CBLB: variants seen among roughly 807,000 people sequenced by gnomAD.
CBLB encodes Cbl proto-oncogene B.
Under a neutral mutation model 104.9 loss-of-function variants are expected in CBLB, and 31 were observed. The ratio of observed to expected loss-of-function variants is 0.30; its 90% CI spans 0.22 to 0.40. CBLB has a LOEUF of 0.40. Ranked by LOEUF, CBLB falls within the 10% of genes least tolerant of loss-of-function variation. The probability of loss-of-function intolerance (pLI) is 1.00; values close to 1 mark genes in which losing one functional copy is unlikely to be tolerated. For synonymous variants in CBLB, 440 were observed against 422.6 expected (o/e 1.04, Z -0.51); for missense variants, 1,062 against 1,214.6 (o/e 0.87, Z 1.87).
Position 105,816,026 on chromosome 3 carries a change from G to A in CBLB, c.419+37388C>T, listed in dbSNP as rs148595750. ...AATGAGAACATATGGGCACAGGGAGGGGAACATCACACACTGGGGCCTGTC... is the reference window on the plus strand; with the variant it reads ...AATGAGAACATATGGGCACAGGGAGAGGAACATCACACACTGGGGCCTGTC... On this transcript the variant is annotated intron_variant, in intron 3 of 18. Transcript: ENST00000394030. Among the ~76,000 whole-genome samples the A allele has an allele frequency of 4.6e-5, 7 of 152,104 alleles. No homozygotes were observed. The East Asian group carries it at 1.4e-3, about 30-fold the overall frequency.
At chr3:105,780,326 C>T (rs1331132434) in intron 3 of CBLB, among the ~76,000 whole-genome samples, 1 of 152,096 alleles carries the variant, frequency 6.6e-6, no homozygotes, top group African/African-American at 2.4e-5. Context: ...CTTCCCTAAG[C>T]CCATGGGATT....
chr3:105,743,715 T>C (rs1289370876), intron 6 of CBLB, among the ~76,000 whole-genome samples: 2 of 148,342 alleles, frequency 1.3e-5, no homozygotes, highest in African/African-American at 4.9e-5. Context: ...GTCAAAGACA[T>C]GAAATACTTT....
At chr3:105,752,843 C>T (rs1246519398) in intron 4 of CBLB, among the ~76,000 whole-genome samples, 2 of 152,158 alleles carry the variant, frequency 1.3e-5, no homozygotes, top group Middle Eastern at 3.2e-3. Context: ...TGGGGTGGGG[C>T]CTGAACACTG....
intron 3 of CBLB, among the ~76,000 whole-genome samples, chr3:105,804,199 C>T (rs142653231): frequency 5.8e-4 from 88 of 152,148 alleles, no homozygotes; most frequent in African/African-American, 1.9e-3. Context: ...GCTATAAATG[C>T]GGATACACAC....
At chr3:105,848,529 A>C (rs1399529115) in intron 3 of CBLB, among the ~76,000 whole-genome samples, 6 of 152,136 alleles carry the variant, frequency 3.9e-5, no homozygotes, top group Non-Finnish European at 5.9e-5. Flanking sequence ...TAAAATTTTA[A>C]AAAGCAATCA....
At chr3:105,813,291 C>A (rs990793548) in intron 3 of CBLB, among the ~76,000 whole-genome samples, 3 of 152,020 alleles carry the variant, frequency 2.0e-5, no homozygotes, top group Non-Finnish European at 4.4e-5. Flanking sequence ...TGGCTTGTTT[C>A]ACAGAGGAAA....
chr3:105,824,434 A>T (rs1013391241), intron 3 of CBLB, among the ~76,000 whole-genome samples: 1 of 152,138 alleles, frequency 6.6e-6, no homozygotes, highest in Non-Finnish European at 1.5e-5. Context: ...AACTTTAGTT[A>T]ACAAATATGC....
At chr3:105,835,454 C>CT (rs199835447) in intron 3 of CBLB, among the ~76,000 whole-genome samples, 2,288 of 152,190 alleles carry the variant, frequency 0.015, 44 homozygotes, top group African/African-American at 0.045. Context: ...ATATTTAAAT[C>CT]TTTAATTCAA....
At chr3:105,764,839 G>A (rs888083591) in intron 4 of CBLB, among the ~76,000 whole-genome samples, 6 of 152,208 alleles carry the variant, frequency 3.9e-5, no homozygotes, top group Admixed American at 3.3e-4. Context: ...AAGCAAAACA[G>A]CCTTACTGGT....
chr3:105,703,933 A>G (rs1317877481), intron 11 of CBLB, 55 bp downstream of exon 11: 1 of 1,483,216 alleles, frequency 6.7e-7, no homozygotes, highest in African/African-American at 1.4e-5. Context: ...GAATCTGAGC[A>G]ATCAATAATT....
intron 3 of CBLB, among the ~76,000 whole-genome samples, chr3:105,788,955 G>C (rs544556151): frequency 2.2e-4 from 33 of 152,284 alleles, no homozygotes; most frequent in Admixed American, 3.9e-4. Flanking sequence ...TATGTTCCCA[G>C]CTGCCAAGTA....
At chr3:105,659,920 T>C (rs1335937476) in intron 18 of CBLB, among the ~76,000 whole-genome samples, 3 of 152,060 alleles carry the variant, frequency 2.0e-5, no homozygotes, top group Non-Finnish European at 2.9e-5. Flanking sequence ...CAGATTGCAA[T>C]GTAGGAAGTT....
At chr3:105,744,838 G>C (rs564149400) in intron 6 of CBLB, among the ~76,000 whole-genome samples, 2 of 152,146 alleles carry the variant, frequency 1.3e-5, no homozygotes, top group Non-Finnish European at 2.9e-5. Flanking sequence ...GTTAAGGCAG[G>C]AGAATTGCTC....
chr3:105,739,160 T>C (rs982038665), intron 7 of CBLB, among the ~76,000 whole-genome samples: 5 of 152,222 alleles, frequency 3.3e-5, no homozygotes, highest in Admixed American at 6.5e-5. Flanking sequence ...TCCTCCTGCC[T>C]TGGCCTCCCA....
chr3:105,795,728 A>T lies in CBLB; in HGVS notation c.420-19186T>A, dbSNP rs116351984. ...CATCTTTTATGGTGAATACCATAAC[A>T]CTGTGATTTGTTTGTTTTTGTTTTT... is the stretch of plus-strand genomic sequence containing the variant. On this transcript the variant is annotated intron_variant, in intron 3 of 18. Transcript: ENST00000394030. Among the ~76,000 whole-genome samples the T allele has an allele frequency of 2.1e-3, 323 of 152,184 alleles. 4 individuals are homozygous for T. Among genetic ancestry groups the T allele is most frequent in the African/African-American group, 7.3e-3 (303 of 41,516 alleles).
intron 9 of CBLB, among the ~76,000 whole-genome samples, chr3:105,731,082 G>T (rs2074263276): frequency 6.6e-6 from 1 of 152,106 alleles, no homozygotes; most frequent in Non-Finnish European, 1.5e-5. Context: ...AATAATTCAA[G>T]GAATTGATAA....
At chr3:105,753,379 A>T (rs116231966) in intron 4 of CBLB, among the ~76,000 whole-genome samples, 40 of 131,334 alleles carry the variant, frequency 3.0e-4, no homozygotes, top group South Asian at 1.5e-3. Flanking sequence ...TTTTTTTTAA[A>T]AAAAAAAGGA....
chr3:105,837,981 C>A (rs911293952), intron 3 of CBLB, among the ~76,000 whole-genome samples: 33 of 152,140 alleles, frequency 2.2e-4, no homozygotes, highest in African/African-American at 7.2e-4. Flanking sequence ...AAAGAAATAA[C>A]CATATATTAT....
chr3:105,765,972 C>T (rs535472952), intron 4 of CBLB, among the ~76,000 whole-genome samples: 41 of 152,226 alleles, frequency 2.7e-4, no homozygotes, highest in African/African-American at 9.6e-4. Context: ...AAATTCAAAA[C>T]CTCGTGGAAA....
Sources: allele counts gnomAD v4.1 joint callset (sites outside exome capture counted in the v4.1 genomes callset), GRCh38; gene constraint gnomAD v4.1.1; transcripts MANE v1.5; gene names NCBI Gene and HGNC (gene_info 2026-07-23, HGNC 2026-07-21).